DSCAM: variants seen among roughly 807,000 people sequenced by gnomAD.
DSCAM encodes the protein DS cell adhesion molecule, also known as cell adhesion molecule DSCAM.
DSCAM carries 47 observed loss-of-function variants against 217.7 expected under a neutral mutation model. The ratio of observed to expected loss-of-function variants is 0.22; its 90% confidence interval spans 0.17 to 0.28. DSCAM has a LOEUF of 0.28. DSCAM is among the 10% of genes least tolerant of loss of function. The pLI, the probability that DSCAM is intolerant of heterozygous loss-of-function variation, is 1.00. For missense variants in DSCAM, 2,080 were observed against 2,618.3 expected (o/e 0.79, Z 4.49); for synonymous variants, 1,056 against 1,015.3 (o/e 1.04, Z -0.76).
At chr21:40,833,474 A>G (rs1038524556) in intron 1 of DSCAM, among the ~76,000 whole-genome samples, 1 of 152,216 alleles carries the variant, frequency 6.6e-6, no homozygotes, top group Non-Finnish European at 1.5e-5. Context: ...CAGAGCGGTT[A>G]GCACACAGGA....
chr21:40,754,548 G>C (rs1241172276), intron 1 of DSCAM, among the ~76,000 whole-genome samples: 1 of 152,208 alleles, frequency 6.6e-6, no homozygotes, highest in Non-Finnish European at 1.5e-5. Flanking sequence ...CCCTGCCTCA[G>C]TTACTCTTCC....
chr21:40,406,848 ACCTCGAGTGATCCACCTG>A (rs1347652641), intron 3 of DSCAM, among the ~76,000 whole-genome samples: 2 of 152,194 alleles, frequency 1.3e-5, no homozygotes, highest in South Asian at 4.2e-4. Flanking sequence ...GGAACTCCTG[ACCTCGAGTGATCCACCTG>A]CCTCGACCTC....
chr21:40,759,060 G>T (rs1181012171), intron 1 of DSCAM, among the ~76,000 whole-genome samples: 1 of 152,130 alleles, frequency 6.6e-6, no homozygotes, highest in Non-Finnish European at 1.5e-5. Context: ...GGTGTGAAAT[G>T]GGGTAGTGAG....
chr21:40,743,681 T>A (rs985927), intron 1 of DSCAM, among the ~76,000 whole-genome samples: 73,830 of 152,006 alleles, frequency 0.49, 19,438 homozygotes, highest in African/African-American at 0.71. Flanking sequence ...AGAGTTATTC[T>A]GATACCATGT....
At chr21:40,512,085 G>A (rs8128708) in intron 3 of DSCAM, among the ~76,000 whole-genome samples, 49 of 151,858 alleles carry the variant, frequency 3.2e-4, no homozygotes, top group African/African-American at 1.0e-3. Flanking sequence ...AAAGGCAAGG[G>A]AGATAGGTTA....
intron 1 of DSCAM, among the ~76,000 whole-genome samples, chr21:40,845,537 T>C (rs992805146): frequency 1.6e-4 from 16 of 97,718 alleles, no homozygotes; most frequent in Admixed American, 1.3e-3. Context: ...CTTCTCTTCT[T>C]CTCCTCTCTC....
At chr21:40,758,168 C>A (rs182851539) in intron 1 of DSCAM, among the ~76,000 whole-genome samples, 2 of 151,506 alleles carry the variant, frequency 1.3e-5, no homozygotes, top group East Asian at 3.9e-4. Context: ...CAGACTCCCA[C>A]CAGGAGCTTC....
At chr21:40,636,921 C>A (rs1354920848) in intron 3 of DSCAM, among the ~76,000 whole-genome samples, 8 of 149,934 alleles carry the variant, frequency 5.3e-5, no homozygotes, top group Non-Finnish European at 1.0e-4. Context: ...GGGATCCAAG[C>A]GGAATCAAGC....
chr21:40,522,587 T>C (rs2076367610), intron 3 of DSCAM, among the ~76,000 whole-genome samples: 1 of 152,222 alleles, frequency 6.6e-6, no homozygotes, highest in African/African-American at 2.4e-5. Flanking sequence ...CTGTGAGTCC[T>C]TTAGTTCATG....
At chr21:40,058,244 CA>C (rs1379632164) in intron 28 of DSCAM, among the ~76,000 whole-genome samples, 1 of 152,062 alleles carries the variant, frequency 6.6e-6, no homozygotes, top group African/African-American at 2.4e-5. Flanking sequence ...CTGCTACCCC[CA>C]AAACCCACAT....
intron 26 of DSCAM, among the ~76,000 whole-genome samples, chr21:40,076,138 G>A (rs1269552490): frequency 6.6e-6 from 1 of 152,114 alleles, no homozygotes; most frequent in Non-Finnish European, 1.5e-5. Context: ...CATTTAGTAA[G>A]CAGAGCAGGG....
intron 1 of DSCAM, among the ~76,000 whole-genome samples, chr21:40,836,571 C>T (rs1369166340): frequency 1.3e-5 from 2 of 152,192 alleles, no homozygotes; most frequent in Non-Finnish European, 1.5e-5. Flanking sequence ...TAAATTACTA[C>T]CCAATACAGA....
intron 3 of DSCAM, among the ~76,000 whole-genome samples, chr21:40,676,730 A>G (rs1044495094): frequency 6.6e-6 from 1 of 152,222 alleles, no homozygotes; most frequent in African/African-American, 2.4e-5. Flanking sequence ...TCATTTAAAA[A>G]TTACCTGCAA....
chr21:40,279,014 C>T lies in DSCAM; in HGVS notation c.2183-2744G>A, dbSNP rs566869281. Among the ~76,000 whole-genome samples, 432 of 152,258 alleles carry T rather than the reference C, an allele frequency of 2.8e-3. 3 individuals are homozygous for T. The highest frequency in any genetic ancestry group is 9.8e-3 in the African/African-American group (409 of 41,560). On this transcript the variant is annotated intron_variant, in intron 10 of 32. Transcript: ENST00000400454. The stretch of plus-strand genomic sequence containing the variant: ...AGGGAACATCTACTAACAAAACTCA[C>T]ATGTTTGCATTAGTTCTTTATTACA...
At chr21:40,323,174 T>C (rs2074278981) in intron 8 of DSCAM, among the ~76,000 whole-genome samples, 1 of 152,188 alleles carries the variant, frequency 6.6e-6, no homozygotes. Flanking sequence ...TCACTCTTTC[T>C]TCGCCCAGTC....
intron 4 of DSCAM, 95 bp from the exon 5 acceptor site, chr21:40,353,838 A>C (rs911281393): frequency 8.8e-5 from 98 of 1,107,478 alleles, no homozygotes; most frequent in Non-Finnish European, 1.1e-4. Flanking sequence ...AATACGGTGC[A>C]TCATACCAAC....
chr21:40,376,727 A>G (rs1211695946), intron 3 of DSCAM, among the ~76,000 whole-genome samples: 1 of 147,508 alleles, frequency 6.8e-6, no homozygotes, highest in Non-Finnish European at 1.5e-5. Flanking sequence ...TATATCATAT[A>G]TATGATATAT....
chr21:40,036,193 C>T (rs1279043935), intron 32 of DSCAM, among the ~76,000 whole-genome samples: 1 of 145,518 alleles, frequency 6.9e-6, no homozygotes, highest in Non-Finnish European at 1.5e-5. Flanking sequence ...AATAGAGACA[C>T]AAAAAACCCT....
At chr21:40,130,019 T>C (rs2090138925) in intron 19 of DSCAM, among the ~76,000 whole-genome samples, 2 of 152,218 alleles carry the variant, frequency 1.3e-5, no homozygotes, top group Admixed American at 1.3e-4. Flanking sequence ...CACCTGCTGC[T>C]GGCCCTCTCA....
Sources: gnomAD v4.1 joint callset for allele counts (sites outside exome capture counted in the v4.1 genomes callset) on GRCh38, gnomAD v4.1.1 for gene constraint, MANE v1.5 for transcripts, NCBI Gene and HGNC (gene_info 2026-07-23, HGNC 2026-07-21) for gene names.